BRI3BP: variants seen among roughly 807,000 people sequenced by gnomAD.
BRI3BP encodes the protein BRI3-binding protein.
BRI3BP carries 7 observed loss-of-function variants against 15.8 expected under a neutral mutation model. That is an observed-to-expected ratio of 0.44 (90% confidence interval 0.25 to 0.83). The LOEUF is 0.83. Ranked by LOEUF, BRI3BP falls within the 40% of genes least tolerant of loss-of-function variation. The pLI, the probability that BRI3BP is intolerant of heterozygous loss-of-function variation, is 0.20. For synonymous variants in BRI3BP, 192 were observed against 163.5 expected (o/e 1.17, Z -1.33); for missense variants, 320 against 339.3 (o/e 0.94, Z 0.45).
intron 1 of BRI3BP, among the ~76,000 whole-genome samples, chr12:125,012,326 G>T (rs1264180356): frequency 1.3e-5 from 2 of 152,160 alleles, no homozygotes; most frequent in Non-Finnish European, 2.9e-5. Context: ...TGCAAGGAAG[G>T]GGTCGTTTTC....
intron 1 of BRI3BP, among the ~76,000 whole-genome samples, chr12:125,008,640 C>T (rs533890391): frequency 5.3e-5 from 8 of 152,236 alleles, no homozygotes; most frequent in Admixed American, 2.6e-4. Context: ...TGCAGCGGTC[C>T]TCAACCTTTT....
At chr12:125,032,312 G>C (rs1955412103), downstream of BRI3BP, among the ~76,000 whole-genome samples, 1 of 152,004 alleles carries the variant, frequency 6.6e-6, no homozygotes, top group Non-Finnish European at 1.5e-5. Context: ...AATGCAATTA[G>C]CCGGGCGTGG....
At chr12:125,049,741 T>G in the BRI3BP span, among the ~76,000 whole-genome samples, 1 of 152,324 alleles carries the variant, frequency 6.6e-6, no homozygotes, top group South Asian at 2.1e-4. Context: ...CTCAGGCCGA[T>G]CTTCCAGACG....
At chr12:125,034,083 G>A (rs971566409), downstream of BRI3BP, among the ~76,000 whole-genome samples, 1 of 151,120 alleles carries the variant, frequency 6.6e-6, no homozygotes, top group African/African-American at 2.4e-5. Context: ...TTTCACTCTT[G>A]TTGCCCAGGC....
At chr12:125,013,958 T>A (rs1244549524) in intron 2 of BRI3BP, among the ~76,000 whole-genome samples, 1 of 152,022 alleles carries the variant, frequency 6.6e-6, no homozygotes, top group Non-Finnish European at 1.5e-5. Flanking sequence ...AGCCTTACAC[T>A]CCCCTTCCCA....
At chr12:124,994,212 C>T (rs1362294586) in intron 1 of BRI3BP, among the ~76,000 whole-genome samples, 1 of 151,942 alleles carries the variant, frequency 6.6e-6, no homozygotes, top group East Asian at 2.0e-4. Flanking sequence ...CCTCGGGGCG[C>T]CCTCTCCTCT....
chr12:125,012,484 T>C (rs958779523), intron 1 of BRI3BP, 50 bp from the exon 2 acceptor site: 6 of 1,452,610 alleles, frequency 4.1e-6, no homozygotes, highest in Non-Finnish European at 4.8e-6. Context: ...ACTGCTTGAC[T>C]GATGGAGGAA....
rs1472386422 is a variant in BRI3BP, at chr12:125,000,004, CT to C, written c.213+6005del. Among the ~76,000 whole-genome samples, 19 of 106,948 alleles carry C rather than the reference CT, an allele frequency of 1.8e-4. No individual in the cohort carries two copies. In the Admixed American group the frequency reaches 2.0e-3, roughly 12 times the overall value. The allele number at this position is 106,948 out of a possible 152,430, so 70.2% of individuals were successfully genotyped here. On this transcript the variant is annotated intron_variant, in intron 1 of 2. Coordinates refer to ENST00000341446, the MANE Select transcript of BRI3BP (RefSeq NM_080626.6). ...TCCATCGATATGTTCTGGGAACTGCCTTTTGGTTTTTCTTTTTTTTTTTTTT... is the reference window on the plus strand; with the variant it reads ...TCCATCGATATGTTCTGGGAACTGCCTTTGGTTTTTCTTTTTTTTTTTTTT...
At position 124,994,124 on chromosome 12, in the gene BRI3BP, G is replaced by A. The variant is rs931104504; in HGVS notation, c.213+121G>A. On this transcript the variant is annotated intron_variant, in intron 1 of 2. Coordinates refer to ENST00000341446, the MANE Select transcript of BRI3BP (RefSeq NM_080626.6). ...CCCGCCCGGCCAGCGCGCGGGAAGA[G>A]GGGGTCCGGCCTGCGCCTCGGGGCC... 4.7e-5 allele frequency: 31 copies of A among 666,392 alleles called. No homozygotes were observed. In the Admixed American group the frequency reaches 1.2e-3, roughly 26 times the overall value. The allele number at this position is 666,392 out of a possible 1,614,324, so 41.3% of individuals were successfully genotyped here.
chr12:125,022,454 G>A (rs1565906658), intron 2 of BRI3BP, among the ~76,000 whole-genome samples: 1 of 152,048 alleles, frequency 6.6e-6, no homozygotes, highest in Non-Finnish European at 1.5e-5. Flanking sequence ...GTGAGGGTTG[G>A]GAGGAAACAG....
chr12:125,043,884 G>A, the BRI3BP span, among the ~76,000 whole-genome samples: 1 of 152,100 alleles, frequency 6.6e-6, no homozygotes, highest in Admixed American at 6.6e-5. Context: ...AATTAGCCAG[G>A]CGTGATGGTG....
At chr12:125,048,127 A>G in the BRI3BP span, among the ~76,000 whole-genome samples, 1 of 152,032 alleles carries the variant, frequency 6.6e-6, no homozygotes, top group Non-Finnish European at 1.5e-5. Flanking sequence ...TGCTCTGGAC[A>G]GATTGAAAGA....
rs7137030 is a variant in BRI3BP, at chr12:125,024,875, T to G, written c.317-116T>G. The G allele has an allele frequency of 2.4e-3, 2,057 of 858,858 alleles. 29 individuals are homozygous for G. In the African/African-American group the frequency reaches 0.031, roughly 13 times the overall value. 53.2% of individuals were successfully genotyped at this position (858,858 alleles called of 1,614,324 possible). A position where few individuals can be genotyped will look rare whatever the true frequency, so the allele number is the denominator to read the frequency against. ...ACAGAGGAACTTCCTTGAGTTCCTT[T>G]GGTTGTTGCAAAGGCCTTTTAAGCC... On this transcript the variant is annotated intron_variant, in intron 2 of 2. Transcript: ENST00000341446.
the BRI3BP span, among the ~76,000 whole-genome samples, chr12:125,047,773 T>C: frequency 6.6e-6 from 1 of 152,156 alleles, no homozygotes; most frequent in East Asian, 1.9e-4. Flanking sequence ...CTGGGCTCAC[T>C]GCAACCTCCG....
At chr12:125,039,222 A>G in the BRI3BP span, among the ~76,000 whole-genome samples, 1 of 152,248 alleles carries the variant, frequency 6.6e-6, no homozygotes, top group East Asian at 1.9e-4. Flanking sequence ...GTGATTCCAA[A>G]TTCTGTTTTC....
chr12:125,047,153 C>CT, the BRI3BP span, among the ~76,000 whole-genome samples: 409 of 147,000 alleles, frequency 2.8e-3, 3 homozygotes, highest in African/African-American at 8.0e-3. Context: ...TTTCTTTACT[C>CT]TTTTTTTTTT....
chr12:125,013,790 G>A (rs1378964130), intron 2 of BRI3BP, among the ~76,000 whole-genome samples: 6 of 152,164 alleles, frequency 3.9e-5, no homozygotes, highest in Non-Finnish European at 5.9e-5. Context: ...CTAGTCACAC[G>A]TTTATAATCA....
chr12:125,031,482 A>G (rs1330222269), downstream of BRI3BP, among the ~76,000 whole-genome samples: 1 of 151,958 alleles, frequency 6.6e-6, no homozygotes, highest in Non-Finnish European at 1.5e-5. Flanking sequence ...TAGTTGCCAA[A>G]TCTGACAGTC....
rs1955398636 is a variant in BRI3BP at position 125,030,552 on chromosome 12, G to GT, written c.*5127dup. ...ATATGTAGGAGGTGCACCAGTACCA[G>GT]TTTTTCTCTTGTGGTGGCTTAAAAC... is the stretch of plus-strand genomic sequence containing the variant. On this transcript the variant is annotated 3_prime_UTR_variant, in exon 3 of 3. Coordinates refer to ENST00000341446, the MANE Select transcript of BRI3BP (RefSeq NM_080626.6). 1 of 152,218 alleles carries GT rather than the reference G, an allele frequency of 6.6e-6. No homozygotes were observed. Among genetic ancestry groups the GT allele is most frequent in the Non-Finnish European group, 1.5e-5 (1 of 68,048 alleles). 9.4% of individuals were successfully genotyped at this position (152,218 alleles called of 1,614,324 possible). A position where few individuals can be genotyped will look rare whatever the true frequency, so the allele number is the denominator to read the frequency against.
Sources: gnomAD v4.1 joint callset for allele counts (sites outside exome capture counted in the v4.1 genomes callset) on GRCh38, gnomAD v4.1.1 for gene constraint, MANE v1.5 for transcripts, NCBI Gene and HGNC (gene_info 2026-07-23, HGNC 2026-07-21) for gene names.